LRP12: variants seen among roughly 807,000 people sequenced by gnomAD.
LRP12 encodes the protein low-density lipoprotein receptor-related protein 12.
In LRP12, 14 loss-of-function variants were observed where a neutral mutation model predicts 66.0. The ratio of observed to expected loss-of-function variants is 0.21; its 90% CI spans 0.14 to 0.33. The LOEUF (loss-of-function observed/expected upper bound fraction) is 0.33, where lower values mean the gene tolerates loss of function less well. Ranked by LOEUF, LRP12 falls within the 10% of genes least tolerant of loss-of-function variation. The probability of loss-of-function intolerance (pLI) is 1.00; values close to 1 mark genes in which losing one functional copy is unlikely to be tolerated. For missense variants in LRP12, 889 were observed against 1,053.4 expected (o/e 0.84, Z 2.16); for synonymous variants, 357 against 359.1 (o/e 0.99, Z 0.07).
rs1554712986 is a variant in LRP12 at position 104,588,973 on chromosome 8, C to CCGCCGCCGCCGCCGA, written c.-77_-76insTCGGCGGCGGCGGCG. 1.0e-5 allele frequency: 6 copies of CCGCCGCCGCCGCCGA among 583,288 alleles called. No homozygotes were observed. In the Admixed American group the frequency reaches 2.2e-4, roughly 21 times the overall value. 36.1% of individuals were successfully genotyped at this position (583,288 alleles called of 1,614,324 possible). On this transcript the variant is annotated 5_prime_UTR_variant, in exon 1 of 7. Coordinates refer to ENST00000276654, the MANE Select transcript of LRP12 (RefSeq NM_013437.5). ...AAGCTGGAGGTAGACGACGCCGACGCCGCCGCCGCCGCCGCCGCCGCCGCC... is the reference window on the plus strand; with the variant it reads ...AAGCTGGAGGTAGACGACGCCGACGCCGCCGCCGCCGCCGACGCCGCCGCCGCCGCCGCCGCCGCC...
chr8:104,497,347 G>A lies in LRP12; in HGVS notation c.1205C>T (p.Pro402Leu). The change falls in exon 5 of 7, where the codon CCA (proline) becomes CTA (leucine). Residue 402 changes from proline to leucine, a missense_variant. Physicochemically the swap from Pro to Leu is moderately conservative, Grantham distance 98. This residue lies in a region of LRP12 where 800 missense variants were observed against 964.5 expected (regional missense o/e 0.83). Coordinates refer to ENST00000276654, the MANE Select transcript of LRP12 (RefSeq NM_013437.5). This position sits in a 1 kb window ranked among gnomAD's most constrained non-coding sequence, Gnocchi z 4.3. ...ACAATTGGTTTCATCCCTTCCATTT[G>A]GGCAATGCCAATACCCATCACAACG... ...QQRCDGYWHC[P>L]NGRDETNCTM... 1 of 1,613,946 alleles carries A rather than the reference G, an allele frequency of 6.2e-7. No individual in the cohort carries two copies.
chr8:104,521,165 T>C (rs1022514950), intron 2 of LRP12, among the ~76,000 whole-genome samples: 1 of 151,958 alleles, frequency 6.6e-6, no homozygotes, highest in Non-Finnish European at 1.5e-5. Flanking sequence ...TGTACAGATA[T>C]ATACTTACTA....
chr8:104,588,982 C>CCGCCGCCGCCGCCGA lies in LRP12; in HGVS notation c.-86_-85insTCGGCGGCGGCGGCG. 1 of 765,632 alleles carries CCGCCGCCGCCGCCGA rather than the reference C, an allele frequency of 1.3e-6. No individual in the cohort carries two copies. Among genetic ancestry groups the CCGCCGCCGCCGCCGA allele is most frequent in the Non-Finnish European group, 2.0e-6 (1 of 503,374 alleles). The allele number at this position is 765,632 out of a possible 1,614,324, so 47.4% of individuals were successfully genotyped here. On this transcript the variant is annotated 5_prime_UTR_variant, in exon 1 of 7. Coordinates refer to ENST00000276654, the MANE Select transcript of LRP12 (RefSeq NM_013437.5). ...GTAGACGACGCCGACGCCGCCGCCG[C>CCGCCGCCGCCGCCGA]CGCCGCCGCCGCCGCCGAGCCACCG...
Position 104,497,972 on chromosome 8 carries a change from T to A in LRP12, c.580A>T (p.Ser194Cys). Residue 194 changes from serine to cysteine, a missense_variant, in exon 5 of 7, where the codon AGT becomes TGT. Ser to Cys is a moderately radical substitution (Grantham distance 112). Transcript: ENST00000276654. The surrounding 1 kb of genome is among the most constrained non-coding windows in gnomAD (Gnocchi z 4.3). ...TTGGCACAGATCTCTTCATCGGAAC[T>A]ATCTCCACATTCATCCATGTTATTA... is the stretch of plus-strand genomic sequence containing the variant. ...KCNNMDECGD[S>C]SDEEICAKEA... The A allele has an allele frequency of 6.2e-7, 1 of 1,614,198 alleles. No homozygotes were observed. Among genetic ancestry groups the A allele is most frequent in the Non-Finnish European group, 8.5e-7 (1 of 1,180,022 alleles).
chr8:104,552,768 C>CA (rs1337015615), intron 1 of LRP12, among the ~76,000 whole-genome samples: 1 of 152,116 alleles, frequency 6.6e-6, no homozygotes, highest in African/African-American at 2.4e-5. Flanking sequence ...CCCACTCAGA[C>CA]AGACAGAGCA....
chr8:104,547,187 T>C (rs1372799542), intron 1 of LRP12, among the ~76,000 whole-genome samples: 2 of 123,136 alleles, frequency 1.6e-5, no homozygotes, highest in African/African-American at 3.0e-5. Context: ...TACAATTCTA[T>C]GTTATATCAT....
At chr8:104,515,261 TA>T (rs1427942984) in intron 2 of LRP12, among the ~76,000 whole-genome samples, 1 of 152,222 alleles carries the variant, frequency 6.6e-6, no homozygotes, top group Non-Finnish European at 1.5e-5. Context: ...TTCTATTGCT[TA>T]AACATAGTTA....
At chr8:104,566,676 C>T (rs964161611) in intron 1 of LRP12, among the ~76,000 whole-genome samples, 9 of 152,072 alleles carry the variant, frequency 5.9e-5, no homozygotes, top group African/African-American at 1.9e-4. Flanking sequence ...GAAGATCTGA[C>T]AATTAGAAAA....
intron 2 of LRP12, among the ~76,000 whole-genome samples, chr8:104,529,606 T>C (rs540519495): frequency 6.4e-4 from 97 of 152,312 alleles, no homozygotes; most frequent in African/African-American, 2.3e-3. Flanking sequence ...ACTATATCTA[T>C]CTAAATTTCC....
At chr8:104,511,012 T>C (rs1810985799) in intron 2 of LRP12, among the ~76,000 whole-genome samples, 3 of 149,980 alleles carry the variant, frequency 2.0e-5, no homozygotes, top group Admixed American at 6.7e-5. Context: ...CTATTACAAT[T>C]GTAATTTGGA....
intron 1 of LRP12, among the ~76,000 whole-genome samples, chr8:104,563,869 G>GT (rs1331515460): frequency 6.6e-6 from 1 of 152,118 alleles, no homozygotes; most frequent in African/African-American, 2.4e-5. Flanking sequence ...TCAGTCTATG[G>GT]TATTTTGTTA....
At chr8:104,493,229 C>T (rs545470562) in intron 6 of LRP12, among the ~76,000 whole-genome samples, 6 of 152,238 alleles carry the variant, frequency 3.9e-5, no homozygotes, top group East Asian at 1.9e-4. Context: ...CCTCAAAAAG[C>T]GTTTCTCCTT....
At chr8:104,530,312 G>A (rs2140861488) in intron 2 of LRP12, among the ~76,000 whole-genome samples, 1 of 152,282 alleles carries the variant, frequency 6.6e-6, no homozygotes, top group East Asian at 1.9e-4. Flanking sequence ...CAATGTGACT[G>A]TATTTGGAGA....
intron 1 of LRP12, among the ~76,000 whole-genome samples, chr8:104,536,839 C>T (rs932349004): frequency 2.6e-5 from 4 of 151,676 alleles, no homozygotes; most frequent in African/African-American, 9.7e-5. Flanking sequence ...CTATAAAGAA[C>T]AGGAAAATTT....
At chr8:104,536,011 TG>T (rs1264594454) in intron 1 of LRP12, among the ~76,000 whole-genome samples, 1 of 152,102 alleles carries the variant, frequency 6.6e-6, no homozygotes, top group East Asian at 1.9e-4. Flanking sequence ...TCTTTTCTAC[TG>T]CTCAGTGAGA....
chr8:104,587,190 A>G (rs1443336157), intron 1 of LRP12, among the ~76,000 whole-genome samples: 1 of 152,212 alleles, frequency 6.6e-6, no homozygotes, highest in East Asian at 1.9e-4. Context: ...CATCACAGAA[A>G]TTCAATGCTT....
chr8:104,504,650 TAC>T (rs1277494575), intron 3 of LRP12: 2 of 152,232 alleles, frequency 1.3e-5, no homozygotes, highest in Non-Finnish European at 2.9e-5. Context: ...CTGAATGATG[TAC>T]AGTCTTTGAA....
rs778459885 is a variant in LRP12, at chr8:104,497,575, T to C, written c.977A>G (p.His326Arg). 1 of 1,613,802 alleles carries C rather than the reference T, an allele frequency of 6.2e-7. No individual in the cohort carries two copies. Among genetic ancestry groups the C allele is most frequent in the South Asian group, 1.1e-5 (1 of 91,000 alleles). ...AGCTGTCAACACACGCAAAAGCTTGTGTGGATTCTCCTCTAATCCATCATA... is the reference window on the plus strand; with the variant it reads ...AGCTGTCAACACACGCAAAAGCTTGCGTGGATTCTCCTCTAATCCATCATA... ...KIYDGLEENP[H>R]KLLRVLTAFD... Residue 326 changes from histidine to arginine, a missense_variant, in exon 5 of 7, where the codon CAC becomes CGC. His to Arg is a conservative substitution (Grantham distance 29). This residue lies in a region of LRP12 where 800 missense variants were observed against 964.5 expected (regional missense o/e 0.83). Transcript: ENST00000276654. The surrounding 1 kb of genome is among the most constrained non-coding windows in gnomAD (Gnocchi z 4.3).
chr8:104,548,752 C>G (rs1811680571), intron 1 of LRP12, among the ~76,000 whole-genome samples: 1 of 144,822 alleles, frequency 6.9e-6, no homozygotes, highest in Admixed American at 6.9e-5. Context: ...CGAGACCAGC[C>G]TGACCAACAT....
Sources: gnomAD v4.1 joint callset for allele counts (sites outside exome capture counted in the v4.1 genomes callset) on GRCh38, gnomAD v4.1.1 for gene constraint, gnomAD v4.1.1 regional missense constraint, Gnocchi (gnomAD v3.1) non-coding constraint, MANE v1.5 for transcripts, NCBI Gene and HGNC (gene_info 2026-07-23, HGNC 2026-07-21) for gene names.